ZAN: variants seen among roughly 807,000 people sequenced by gnomAD.
ZAN encodes the protein zonadhesin.
ZAN carries 260 observed loss-of-function variants against 286.2 expected under a neutral mutation model. The ratio of observed to expected loss-of-function variants is 0.91; its 90% CI spans 0.82 to 1.01. The LOEUF is 1.01. Among genes scored for constraint, ZAN ranks in the 50% least tolerant of loss-of-function variants. ZAN has a pLI of 0.00. For missense variants in ZAN, 3,410 were observed against 3,639.2 expected (o/e 0.94, Z 1.62); for synonymous variants, 1,368 against 1,417.5 (o/e 0.97, Z 0.79).
chr7:100,746,678 C>G lies in ZAN; in HGVS notation c.907C>G (p.Leu303Val). Residue 303 changes from leucine (L) to valine (V), a missense_variant, in exon 8 of 48, where the codon CTC becomes GTC. Transcript: ENST00000613979. ...CCGGGGCCAGTCTCCTGGTGCAGCC[C>G]TCCACATTTATGCTTCAGTCTTGGG... is the stretch of plus-strand genomic sequence containing the variant. The part of the protein sequence containing the change: ...ILRGQSPGAA[L>V]HIYASVLGSI... 1 of 1,613,946 alleles carries G rather than the reference C, an allele frequency of 6.2e-7. No homozygotes were observed. The highest frequency in any genetic ancestry group is 8.5e-7 in the Non-Finnish European group (1 of 1,179,896).
rs73711154 is a variant in ZAN, at chr7:100,736,640, A to G, written c.253+11A>G. Reference sequence around the variant, plus strand: ...GGTACCCTAACGGAGGTGAGGGGCTATGGTTTCCAGGGGACCATGAGCAGG... The same window carrying G: ...GGTACCCTAACGGAGGTGAGGGGCTGTGGTTTCCAGGGGACCATGAGCAGG... On this transcript the variant is annotated intron_variant, in intron 4 of 47. Coordinates refer to ENST00000613979, the MANE Select transcript of ZAN (RefSeq NM_003386.3). The G allele has an allele frequency of 2.6e-3, 3,978 of 1,520,954 alleles. 678 individuals are homozygous for G. In the African/African-American group the frequency reaches 0.046, roughly 18 times the overall value. The allele number at this position is 1,520,954 out of a possible 1,614,324, so 94.2% of individuals were successfully genotyped here. A position where few individuals can be genotyped will look rare whatever the true frequency, so the allele number is the denominator to read the frequency against.
At position 100,775,359 on chromosome 7, in the gene ZAN, C is replaced by T. The variant is rs777640434; in HGVS notation, c.5811C>T (p.Ser1937=). The change falls in exon 32 of 48, where the codon TCC becomes TCT. Residue 1937 remains serine (S), a synonymous_variant. Coordinates refer to ENST00000613979, the MANE Select transcript of ZAN (RefSeq NM_003386.3). ...GVGVCQLPGE[S]HYVSFDGSNH... ...GAGTGTGTCAGCTCCCAGGGGAGTCCCACTACGTGAGCTTTGATGGTAGTA... is the reference window on the plus strand; with the variant it reads ...GAGTGTGTCAGCTCCCAGGGGAGTCTCACTACGTGAGCTTTGATGGTAGTA... 11 of 1,613,348 alleles carry T rather than the reference C, an allele frequency of 6.8e-6. No homozygotes were observed. The highest frequency in any genetic ancestry group is 9.3e-6 in the Non-Finnish European group (11 of 1,179,762).
intron 41 of ZAN, 47 bp from the exon 42 acceptor site, chr7:100,792,358 C>T (rs1705098458): frequency 1.3e-6 from 2 of 1,555,720 alleles, no homozygotes; most frequent in Non-Finnish European, 1.7e-6. Context: ...TGGGTCTCCT[C>T]CCCTCCCCAA....
Position 100,736,498 on chromosome 7 carries a change from G to A in ZAN, c.122G>A (p.Cys41Tyr). 3.3e-6 allele frequency: 5 copies of A among 1,524,210 alleles called. 1 individual carries two copies. The highest frequency in any genetic ancestry group is 4.5e-6 in the Non-Finnish European group (5 of 1,108,246). The allele number at this position is 1,524,210 out of a possible 1,614,324, so 94.4% of individuals were successfully genotyped here. Residue 41 changes from cysteine (C) to tyrosine (Y), a missense_variant, in exon 4 of 48, where the codon TGT becomes TAT. Coordinates refer to ENST00000613979, the MANE Select transcript of ZAN (RefSeq NM_003386.3). ...TTCTTCCTAGATGTCCTCACCCAGT[G>A]TGATTTTGAGGATGACGCCAAACCC... ...SSRDNYVLTQCDFEDDAKPLC... is the reference protein window; with the variant it reads ...SSRDNYVLTQYDFEDDAKPLC...
At position 100,750,666 on chromosome 7, in the gene ZAN, G is replaced by A; in HGVS notation, c.1291G>A (p.Ala431Thr). The change falls in exon 12 of 48, where the codon GCA becomes ACA. Residue 431 changes from alanine (A) to threonine (T), a missense_variant. This residue lies in a region of ZAN where 872 missense variants were observed against 938.9 expected (regional missense o/e 0.93). Transcript: ENST00000613979. ...IYLEADEFSQ[A>T]GQSVRLVSRP... ...CCTTGAGGCTGACGAGTTCTCCCAGGCAGGCCAGTCAGTCAGACTGGTGAG... is the reference window on the plus strand; with the variant it reads ...CCTTGAGGCTGACGAGTTCTCCCAGACAGGCCAGTCAGTCAGACTGGTGAG... The A allele has an allele frequency of 6.2e-7, 1 of 1,613,394 alleles. No homozygotes were observed. Among genetic ancestry groups the A allele is most frequent in the Non-Finnish European group, 8.5e-7 (1 of 1,179,710 alleles).
At chr7:100,749,674 A>C (rs1808500965) in intron 11 of ZAN, among the ~76,000 whole-genome samples, 1 of 139,834 alleles carries the variant, frequency 7.2e-6, no homozygotes, top group Non-Finnish European at 1.5e-5. Flanking sequence ...ATATATATAT[A>C]TACACACACA....
intron 15 of ZAN, among the ~76,000 whole-genome samples, chr7:100,756,964 C>CT: frequency 6.6e-6 from 1 of 152,196 alleles, no homozygotes. Flanking sequence ...GATGGGGTTT[C>CT]TTCATGTTAG....
Position 100,757,771 on chromosome 7 carries a change from AC to A in ZAN, c.3310-430del, listed in dbSNP as rs375975350. Among the ~76,000 whole-genome samples the A allele has an allele frequency of 7.7e-3, 1,132 of 147,072 alleles. 27 individuals carry two copies. Among genetic ancestry groups the A allele is most frequent in the African/African-American group, 0.028 (1,068 of 38,704 alleles). ...CTCCGTCTCAAAAAAAAAAAAAAAA[AC>A]AAAAAAACAGACAGACATAAGGCTG... On this transcript the variant is annotated intron_variant, in intron 15 of 47. Coordinates refer to ENST00000613979, the MANE Select transcript of ZAN (RefSeq NM_003386.3).
chr7:100,779,544 A>G lies in ZAN; in HGVS notation c.6416A>G (p.Glu2139Gly), dbSNP rs765262853. 8.7e-6 allele frequency: 14 copies of G among 1,612,142 alleles called. No individual in the cohort carries two copies. The African/African-American group carries it at 1.3e-4, about 15-fold the overall frequency. ...CRAADLRRAR[E>G]KCEAALRAPV... ...GCGGCCGACCTCCGCAGGGCGCGGG[A>G]AAAGTGCGAGGCAGCGCTCCGGGCT... The change falls in exon 35 of 48, where the codon GAA becomes GGA. Residue 2139 changes from glutamate (E) to glycine (G), a missense_variant. By Grantham distance (98) the Glu-to-Gly change is moderately conservative. Around this residue, in one of 7 missense-constraint regions of ZAN, gnomAD observed 1,289 missense variants for 1,314.3 expected, o/e 0.98. Transcript: ENST00000613979.
rs1304132443 is a variant in ZAN at position 100,765,528 on chromosome 7, C to T, written c.4444C>T (p.Leu1482Phe). The change falls in exon 23 of 48, where the codon CTC (leucine) becomes TTC (phenylalanine). Residue 1482 changes from leucine (L) to phenylalanine (F), a missense_variant. Coordinates refer to ENST00000613979, the MANE Select transcript of ZAN (RefSeq NM_003386.3). ...ECIPRSQCGC[L>F]HPAGSYFKVG... Reference sequence around the variant, plus strand: ...CATACCTCGCTCCCAGTGTGGGTGCCTCCACCCTGCAGGCAGCTACTTCAA... The same window carrying T: ...CATACCTCGCTCCCAGTGTGGGTGCTTCCACCCTGCAGGCAGCTACTTCAA... The T allele has an allele frequency of 1.9e-6, 3 of 1,608,072 alleles. No individual in the cohort carries two copies. The highest frequency in any genetic ancestry group is 2.5e-6 in the Non-Finnish European group (3 of 1,177,402).
intron 39 of ZAN, among the ~76,000 whole-genome samples, chr7:100,790,404 T>C (rs1811861157): frequency 1.4e-5 from 2 of 147,970 alleles, no homozygotes; most frequent in Admixed American, 1.4e-4. Flanking sequence ...CTACTGAAAA[T>C]ACTAAAAATT....
chr7:100,762,791 G>C (rs1809688885), intron 20 of ZAN, among the ~76,000 whole-genome samples: 1 of 150,436 alleles, frequency 6.6e-6, no homozygotes, highest in Admixed American at 6.6e-5. Context: ...CCAAGCTGGA[G>C]TGCAATGGCA....
Position 100,752,519 on chromosome 7 carries a change from C to A in ZAN, c.2414C>A (p.Thr805Asn), listed in dbSNP as rs761571843. 153 of 1,612,242 alleles carry A rather than the reference C, an allele frequency of 9.5e-5. No individual in the cohort carries two copies. The highest frequency in any genetic ancestry group is 1.3e-4 in the Non-Finnish European group (151 of 1,179,634). The change falls in exon 14 of 48, where the codon ACT becomes AAT. Residue 805 changes from threonine (T) to asparagine (N), a missense_variant. Transcript: ENST00000613979. ...TCCACAGAAGAGCCCACCACCCCCA[C>A]TGAGGAGACCACCATCTCCACAGAA... is the stretch of plus-strand genomic sequence containing the variant. ...TISTEEPTTP[T>N]EETTISTEKP...
At chr7:100,789,979 G>T (rs576138087) in intron 39 of ZAN, among the ~76,000 whole-genome samples, 2 of 151,636 alleles carry the variant, frequency 1.3e-5, no homozygotes, top group Non-Finnish European at 2.9e-5. Flanking sequence ...TGAGACAGGT[G>T]TGATGGTGCA....
chr7:100,759,898 G>A (rs985008722), intron 18 of ZAN, 53 bp downstream of exon 18: 5 of 1,578,774 alleles, frequency 3.2e-6, no homozygotes, highest in Admixed American at 1.7e-5. Context: ...GTGTGTCCTG[G>A]CCAACCCTTC....
At chr7:100,742,938 A>C (rs1317835745) in intron 7 of ZAN, among the ~76,000 whole-genome samples, 1 of 106,772 alleles carries the variant, frequency 9.4e-6, no homozygotes, top group Non-Finnish European at 2.0e-5. Flanking sequence ...TTTTGTGTTG[A>C]GAATCCACTG....
Position 100,775,705 on chromosome 7 carries a change from C to T in ZAN, c.6064C>T (p.Gln2022Ter), listed in dbSNP as rs938765286. The part of the protein sequence containing the change: ...SKQVTLPAIS[Q>*]IPGVSVKSSS... ...ACAGGTCACCCTCCCCGCCATCTCC[C>T]AGATCCCTGGGGTCAGTGTCAAGTC... is the stretch of plus-strand genomic sequence containing the variant. The change falls in exon 33 of 48, where the codon CAG (glutamine) becomes TAG (stop). Residue 2022 changes from glutamine to a stop codon, truncating the protein, a stop_gained. Transcript: ENST00000613979. LOFTEE classifies it high-confidence loss of function. 1 of 1,613,902 alleles carries T rather than the reference C, an allele frequency of 6.2e-7. No homozygotes were observed. Among genetic ancestry groups the T allele is most frequent in the Non-Finnish European group, 8.5e-7 (1 of 1,179,874 alleles).
chr7:100,757,747 T>G (rs1584577832), intron 15 of ZAN, among the ~76,000 whole-genome samples: 1 of 118,700 alleles, frequency 8.4e-6, no homozygotes, highest in East Asian at 2.4e-4. Flanking sequence ...AGAGTGAGAC[T>G]CCGTCTCAAA....
intron 15 of ZAN, 78 bp downstream of exon 15, chr7:100,755,488 C>A: frequency 1.3e-6 from 2 of 1,525,684 alleles, no homozygotes. Flanking sequence ...ATCTGCTCCC[C>A]ATGTGAAGGC....
Sources: gnomAD v4.1 joint callset for allele counts (sites outside exome capture counted in the v4.1 genomes callset) on GRCh38, gnomAD v4.1.1 for gene constraint, gnomAD v4.1.1 regional missense constraint, MANE v1.5 for transcripts, NCBI Gene and HGNC (gene_info 2026-07-23, HGNC 2026-07-21) for gene names.